Variants in ZNF791 observed in about 807,000 individuals in gnomAD.
The protein encoded by ZNF791 is zinc finger protein 791.
Under a neutral mutation model 11.5 loss-of-function variants are expected in ZNF791, and 4 were observed. The observed-to-expected ratio is 0.35, with a 90% CI of 0.17 to 0.80. The LOEUF is 0.80. Ranked by LOEUF, ZNF791 falls within the 30% of genes least tolerant of loss-of-function variation. The pLI is 0.53. For synonymous variants in ZNF791, 212 were observed against 228.1 expected, an observed-to-expected ratio of 0.93 and a Z score of 0.64; for missense variants, 559 against 699.4, an observed-to-expected ratio of 0.80 and a Z score of 2.26.
chr19:12,614,593 CTTTTTTTTT>C (rs369598648), intron 1 of ZNF791, among the ~76,000 whole-genome samples: 1 of 126,160 alleles, frequency 7.9e-6, no homozygotes, highest in East Asian at 2.3e-4. Context: ...ATATGTTTAA[CTTTTTTTTT>C]TTTTTTTTGG....
chr19:12,612,058 A>C (rs2023165943), intron 1 of ZNF791, among the ~76,000 whole-genome samples: 2 of 152,194 alleles, frequency 1.3e-5, no homozygotes, highest in South Asian at 4.1e-4. Flanking sequence ...AGCACATGGA[A>C]TATGTTTCTC....
rs764191276 is a variant in ZNF791, at chr19:12,628,334, G to A, written c.805G>A (p.Asp269Asn). 3 of 1,612,492 alleles carry A rather than the reference G, an allele frequency of 1.9e-6. No homozygotes were observed. Among genetic ancestry groups the A allele is most frequent in the Admixed American group, 3.3e-5 (2 of 59,754 alleles). Residue 269 changes from aspartate (D) to asparagine (N), a missense_variant, in exon 4 of 4, where the codon GAT becomes AAT. By Grantham distance (23) the Asp-to-Asn change is conservative. Transcript: ENST00000343325. The stretch of plus-strand genomic sequence containing the variant: ...AACACACATGATAACACACAACGGA[G>A]ATAGACCTTATAAATGCAAAGAATG... ...VLTHMITHNG[D>N]RPYKCKECGK...
chr19:12,611,002 C>G lies in ZNF791; in HGVS notation c.-78C>G. On this transcript the variant is annotated 5_prime_UTR_variant, in exon 1 of 4. Coordinates refer to ENST00000343325, the MANE Select transcript of ZNF791 (RefSeq NM_153358.3). The stretch of plus-strand genomic sequence containing the variant: ...CCTTGACGCGTCAGGTTGCTGTACC[C>G]CTGCATCGGATGCGCTGTACCCTGC... 1 of 1,599,836 alleles carries G rather than the reference C, an allele frequency of 6.3e-7. No individual in the cohort carries two copies. The highest frequency in any genetic ancestry group is 8.6e-7 in the Non-Finnish European group (1 of 1,167,604).
rs1431146093 is a variant in ZNF791 at position 12,628,299 on chromosome 19, C to T, written c.770C>T (p.Thr257Ile). Residue 257 changes from threonine to isoleucine, a missense_variant, in exon 4 of 4, where the codon ACA becomes ATA. Thr to Ile is a moderately conservative substitution (Grantham distance 89). Transcript: ENST00000343325. Reference protein sequence around the residue: ...KECGKAFISHTSVLTHMITHN... With the variant: ...KECGKAFISHISVLTHMITHN... ...TGTGGGAAAGCCTTCATTTCCCACA[C>T]AAGTGTTCTAACACACATGATAACA... The T allele has an allele frequency of 6.2e-7, 1 of 1,612,812 alleles. No homozygotes were observed. Among genetic ancestry groups the T allele is most frequent in the South Asian group, 1.1e-5 (1 of 90,952 alleles).
chr19:12,622,411 CAAAAA>C (rs370413296), intron 1 of ZNF791, among the ~76,000 whole-genome samples: 28 of 79,604 alleles, frequency 3.5e-4, no homozygotes, highest in East Asian at 9.5e-4. Context: ...CTGTCTCAAA[CAAAAA>C]AAAAAAAAAA....
chr19:12,618,763 CAAAAT>C (rs2023284573), intron 1 of ZNF791, among the ~76,000 whole-genome samples: 1 of 151,076 alleles, frequency 6.6e-6, no homozygotes, highest in Non-Finnish European at 1.5e-5. Context: ...AACTCCACCT[CAAAAT>C]AAATAAATAA....
chr19:12,623,657 C>T (rs1256172582), intron 1 of ZNF791, 43 bp from the exon 2 acceptor site: 6 of 1,611,714 alleles, frequency 3.7e-6, no homozygotes, highest in Admixed American at 3.4e-5. Context: ...ACCTCTCATC[C>T]TTGTCAATCT....
Position 12,628,141 on chromosome 19 carries a change from A to G in ZNF791, c.612A>G (p.Arg204=). ...GKALSCSSSL[R]VHERIHTGEK... is the part of the protein sequence containing the mutation. ...CTCTTAGTTGTTCCAGTTCGCTTCG[A>G]GTTCATGAAAGGATTCACACTGGAG... Residue 204 remains arginine (R), a synonymous_variant, in exon 4 of 4, where the codon CGA becomes CGG. Transcript: ENST00000343325. The G allele has an allele frequency of 6.2e-7, 1 of 1,614,186 alleles. No homozygotes were observed. Among genetic ancestry groups the G allele is most frequent in the Non-Finnish European group, 8.5e-7 (1 of 1,180,030 alleles).
In ZNF791 at chr19:12,623,527, A is replaced by G. The variant is rs551186978; in HGVS notation, c.4-173A>G. On this transcript the variant is annotated intron_variant, in intron 1 of 3. Transcript: ENST00000343325. Reference sequence around the variant, plus strand: ...GAGCAATAGGACTTACAGTGACCACAGTGAAGATGTAGCTATAAGTTTATG... The same window carrying G: ...GAGCAATAGGACTTACAGTGACCACGGTGAAGATGTAGCTATAAGTTTATG... The G allele has an allele frequency of 1.3e-4, 95 of 737,596 alleles. 1 individual carries two copies. The South Asian group carries it at 1.7e-3, about 13-fold the overall frequency. 45.7% of individuals were successfully genotyped at this position (737,596 alleles called of 1,614,324 possible).
rs1488875033 is a variant in ZNF791 at position 12,631,250 on chromosome 19, C to T, written c.*1990C>T. The T allele has an allele frequency of 6.6e-6, 1 of 152,220 alleles. No individual in the cohort carries two copies. The highest frequency in any genetic ancestry group is 2.4e-5 in the African/African-American group (1 of 41,448). The allele number at this position is 152,220 out of a possible 1,614,324, so 9.4% of individuals were successfully genotyped here. The stretch of plus-strand genomic sequence containing the variant: ...TGGTTTATAGCCTAGTAGCAATAGA[C>T]TGTACCATATAGTCTAGATGTGTTG... On this transcript the variant is annotated 3_prime_UTR_variant, in exon 4 of 4. Coordinates refer to ENST00000343325, the MANE Select transcript of ZNF791 (RefSeq NM_153358.3).
At chr19:12,618,375 G>A (rs989924828) in intron 1 of ZNF791, among the ~76,000 whole-genome samples, 1 of 152,074 alleles carries the variant, frequency 6.6e-6, no homozygotes, top group Non-Finnish European at 1.5e-5. Context: ...GCCAGGCATG[G>A]TGATGCACAC....
chr19:12,629,255 C>T lies in ZNF791; in HGVS notation c.1726C>T (p.Arg576Ter), dbSNP rs371205406. ...SLKKHMRMHN[R>*] ...AAAAAAACATATGAGAATGCACAATCGATAGAAACTCTATAAATGTGAGAA... is the reference window on the plus strand; with the variant it reads ...AAAAAAACATATGAGAATGCACAATTGATAGAAACTCTATAAATGTGAGAA... Residue 576 changes from arginine (R) to a stop codon, truncating the protein, a stop_gained, in exon 4 of 4, where the codon CGA becomes TGA. Coordinates refer to ENST00000343325, the MANE Select transcript of ZNF791 (RefSeq NM_153358.3). LOFTEE classifies it high-confidence loss of function. The T allele has an allele frequency of 2.5e-5, 36 of 1,459,816 alleles. No homozygotes were observed. Among genetic ancestry groups the T allele is most frequent in the South Asian group, 8.2e-5 (5 of 61,340 alleles). 90.4% of individuals were successfully genotyped at this position (1,459,816 alleles called of 1,614,324 possible).
intron 1 of ZNF791, among the ~76,000 whole-genome samples, chr19:12,615,241 C>A (rs1208410755): frequency 6.6e-6 from 1 of 151,722 alleles, no homozygotes; most frequent in East Asian, 1.9e-4. Flanking sequence ...GTCTGGAACT[C>A]CTGGGCTCGA....
intron 3 of ZNF791, among the ~76,000 whole-genome samples, chr19:12,626,852 G>A (rs558230483): frequency 9.3e-5 from 14 of 151,048 alleles, no homozygotes; most frequent in East Asian, 6.0e-4. Context: ...TGATCTGCCC[G>A]TCTCGGCCTC....
At chr19:12,621,660 A>G (rs1315293988) in intron 1 of ZNF791, among the ~76,000 whole-genome samples, 1 of 148,910 alleles carries the variant, frequency 6.7e-6, no homozygotes, top group Non-Finnish European at 1.5e-5. Flanking sequence ...CTCATGTATA[A>G]CAAAAGGGGA....
intron 1 of ZNF791, among the ~76,000 whole-genome samples, chr19:12,616,161 GCTCCT>G: frequency 6.6e-6 from 1 of 152,126 alleles, no homozygotes. Flanking sequence ...TTTATTTGCA[GCTCCT>G]TAGTGACATA....
At chr19:12,612,471 C>T (rs2023173992) in intron 1 of ZNF791, 1 of 149,748 alleles carries the variant, frequency 6.7e-6, no homozygotes, top group Non-Finnish European at 1.5e-5. Flanking sequence ...GAGACGGAGT[C>T]TAGCTTTCTC....
At chr19:12,613,347 C>T (rs997017063) in intron 1 of ZNF791, among the ~76,000 whole-genome samples, 2 of 151,974 alleles carry the variant, frequency 1.3e-5, no homozygotes, top group Admixed American at 1.3e-4. Flanking sequence ...TTTGGGAGGC[C>T]AAGGAGGGCG....
chr19:12,627,175 T>G (rs1328285489), intron 3 of ZNF791, among the ~76,000 whole-genome samples: 2 of 150,308 alleles, frequency 1.3e-5, no homozygotes, highest in Non-Finnish European at 3.0e-5. Flanking sequence ...AGTGAGACTC[T>G]GTCTCAAAAT....
Sources: allele counts gnomAD v4.1 joint callset (sites outside exome capture counted in the v4.1 genomes callset), GRCh38; gene constraint gnomAD v4.1.1; transcripts MANE v1.5; gene names NCBI Gene and HGNC (gene_info 2026-07-23, HGNC 2026-07-21).